The following DPP10 variants were observed in gnomAD, a reference collection of about 807,000 sequenced individuals.
DPP10 encodes the protein dipeptidyl peptidase like 10, also known as inactive dipeptidyl peptidase 10.
DPP10 carries 33 observed loss-of-function variants against 120.9 expected under a neutral mutation model. The ratio of observed to expected loss-of-function variants is 0.27; its 90% confidence interval spans 0.21 to 0.37. The LOEUF (loss-of-function observed/expected upper bound fraction) is 0.37, where lower values mean the gene tolerates loss of function less well. Among genes scored for constraint, DPP10 ranks in the 10% least tolerant of loss-of-function variants. The pLI is 1.00. For synonymous variants in DPP10, 337 were observed against 326.1 expected (o/e 1.03, Z -0.36); for missense variants, 816 against 942.8 (o/e 0.87, Z 1.76).
At chr2:115,706,572 C>G (rs2092117231) in intron 7 of DPP10, among the ~76,000 whole-genome samples, 1 of 151,980 alleles carries the variant, frequency 6.6e-6, no homozygotes, top group East Asian at 1.9e-4. Context: ...GTGAAAGTTC[C>G]TGAATATTAG....
chr2:115,729,086 C>A (rs1441484573), intron 8 of DPP10, among the ~76,000 whole-genome samples: 1 of 152,086 alleles, frequency 6.6e-6, no homozygotes, highest in Non-Finnish European at 1.5e-5. Context: ...AATAAGTATG[C>A]TGTGAAAGTA....
Position 114,579,551 on chromosome 2 carries a change from T to C in DPP10, c.60+136713T>C, listed in dbSNP as rs947186128. On this transcript the variant is annotated intron_variant, in intron 1 of 25. Transcript: ENST00000410059. ...TAAGAGAACCTTTTACCCCCTAAAC[T>C]TTCTGTAGAATTTATAACCTATAAC... 1.5e-4 allele frequency among the ~76,000 whole-genome samples: 23 copies of C among 152,218 alleles called. 1 individual carries two copies. Among genetic ancestry groups the C allele is most frequent in the Non-Finnish European group, 1.5e-5 (1 of 68,032 alleles).
intron 1 of DPP10, among the ~76,000 whole-genome samples, chr2:114,736,367 A>G (rs763074469): frequency 3.5e-4 from 54 of 152,254 alleles, no homozygotes; most frequent in Admixed American, 1.3e-3. Flanking sequence ...GCCTAGCATG[A>G]TTCCTCGCTT....
intron 19 of DPP10, among the ~76,000 whole-genome samples, chr2:115,806,249 A>G (rs1004418704): frequency 1.3e-5 from 2 of 152,192 alleles, no homozygotes; most frequent in Non-Finnish European, 2.9e-5. Context: ...TGCCAAAGGT[A>G]TAAGTGAATA....
chr2:115,289,147 A>G (rs1373227344), intron 1 of DPP10, among the ~76,000 whole-genome samples: 1 of 152,144 alleles, frequency 6.6e-6, no homozygotes, highest in Non-Finnish European at 1.5e-5. Context: ...CTATGATACA[A>G]TGACCAAACT....
At chr2:114,551,235 G>T (rs1306625270) in intron 1 of DPP10, among the ~76,000 whole-genome samples, 1 of 152,036 alleles carries the variant, frequency 6.6e-6, no homozygotes, top group African/African-American at 2.4e-5. Flanking sequence ...AGCTCGCTTT[G>T]GTCTCTCCCT....
At chr2:115,660,655 C>CTTTTTTTTTTTT in intron 5 of DPP10, among the ~76,000 whole-genome samples, 1 of 25,312 alleles carries the variant, frequency 4.0e-5, no homozygotes, top group Non-Finnish European at 8.7e-5. Context: ...CTCTGTCTGG[C>CTTTTTTTTTTTT]TTTTTTTTTT....
intron 1 of DPP10, among the ~76,000 whole-genome samples, chr2:114,759,564 A>G (rs948257543): frequency 6.6e-6 from 1 of 151,280 alleles, no homozygotes; most frequent in Non-Finnish European, 1.5e-5. Context: ...AAGAATTTCT[A>G]TGGAGTTCTT....
intron 1 of DPP10, chr2:115,234,028 T>C: frequency 2.0e-6 from 1 of 488,732 alleles, no homozygotes; most frequent in Non-Finnish European, 4.0e-6. Context: ...TCAAGGTACC[T>C]TTATCTTGAA....
At chr2:115,489,140 T>G (rs1328296819) in intron 3 of DPP10, among the ~76,000 whole-genome samples, 2 of 152,098 alleles carry the variant, frequency 1.3e-5, no homozygotes, top group African/African-American at 4.8e-5. Context: ...GGGTAAATAT[T>G]TAAGGCTTTG....
intron 16 of DPP10, 105 bp downstream of exon 16, chr2:115,781,100 T>C (rs1682711868): frequency 1.0e-6 from 1 of 970,574 alleles, no homozygotes; most frequent in Non-Finnish European, 1.4e-6. Context: ...ATAATCTTAA[T>C]TTATAAATTT....
chr2:115,133,340 T>C lies in DPP10; in HGVS notation c.61-175899T>C, dbSNP rs184800681. Among the ~76,000 whole-genome samples, 206 of 151,338 alleles carry C rather than the reference T, an allele frequency of 1.4e-3. 2 individuals carry two copies. The highest frequency in any genetic ancestry group is 4.7e-3 in the African/African-American group (194 of 41,170). ...CAACAACAACAATAACAAAAACAAA[T>C]TGGCCAGGAACATTTCTGTTTAGGA... is the stretch of plus-strand genomic sequence containing the variant. On this transcript the variant is annotated intron_variant, in intron 1 of 25. Coordinates refer to ENST00000410059, the MANE Select transcript of DPP10 (RefSeq NM_020868.6).
chr2:115,304,770 C>T (rs1327245731), intron 1 of DPP10, among the ~76,000 whole-genome samples: 2 of 151,886 alleles, frequency 1.3e-5, no homozygotes, highest in East Asian at 3.9e-4. Flanking sequence ...TTTATTTTGC[C>T]AAATAAAATG....
intron 15 of DPP10, 106 bp from the exon 16 acceptor site, chr2:115,780,768 C>A: frequency 9.6e-7 from 1 of 1,045,878 alleles, no homozygotes; most frequent in Non-Finnish European, 1.3e-6. Flanking sequence ...TCTATGCAAG[C>A]ACCGATGTAA....
chr2:114,448,067 A>G (rs1438152215), intron 1 of DPP10, among the ~76,000 whole-genome samples: 3 of 152,186 alleles, frequency 2.0e-5, no homozygotes, highest in Non-Finnish European at 4.4e-5. Flanking sequence ...TTTATTTCAA[A>G]TTACTATAAA....
intron 1 of DPP10, among the ~76,000 whole-genome samples, chr2:115,248,227 A>T (rs966536351): frequency 1.3e-5 from 2 of 152,134 alleles, no homozygotes; most frequent in Non-Finnish European, 2.9e-5. Flanking sequence ...TTTATGCTTT[A>T]ATGCAATTCT....
At chr2:115,043,399 T>C (rs114026995) in intron 1 of DPP10, among the ~76,000 whole-genome samples, 2,485 of 152,298 alleles carry the variant, frequency 0.016, 53 homozygotes, top group African/African-American at 0.047. Context: ...TTTTGCTAAG[T>C]TGTTTTTTCA....
Position 115,588,976 on chromosome 2 carries a change from A to G in DPP10, c.441+63004A>G, listed in dbSNP as rs1575261076. On this transcript the variant is annotated intron_variant, in intron 5 of 25. Transcript: ENST00000410059. ...ATCTGATTATTGAATAAAATAAATTATTACTTGTAAAACGAAAAATTGGAA... is the reference window on the plus strand; with the variant it reads ...ATCTGATTATTGAATAAAATAAATTGTTACTTGTAAAACGAAAAATTGGAA... Among the ~76,000 whole-genome samples, 4 of 152,330 alleles carry G rather than the reference A, an allele frequency of 2.6e-5. No homozygotes were observed. In the South Asian group the frequency reaches 8.3e-4, roughly 32 times the overall value.
intron 1 of DPP10, among the ~76,000 whole-genome samples, chr2:114,865,659 G>A (rs1434666238): frequency 1.3e-5 from 2 of 152,098 alleles, no homozygotes; most frequent in Non-Finnish European, 2.9e-5. Flanking sequence ...GTTGTCTTAG[G>A]CATGATGGAG....
Sources: gnomAD v4.1 joint callset for allele counts (sites outside exome capture counted in the v4.1 genomes callset) on GRCh38, gnomAD v4.1.1 for gene constraint, MANE v1.5 for transcripts, NCBI Gene and HGNC (gene_info 2026-07-23, HGNC 2026-07-21) for gene names.